Variants in VPS53 observed in about 807,000 individuals in gnomAD.
VPS53 encodes vacuolar protein sorting-associated protein 53 homolog.
A neutral mutation model predicts 107.0 loss-of-function variants in VPS53; 70 were observed. The ratio of observed to expected loss-of-function variants is 0.65; its 90% confidence interval spans 0.54 to 0.80. VPS53 has a LOEUF of 0.80. Among genes scored for constraint, VPS53 ranks in the 30% least tolerant of loss-of-function variants. The probability of loss-of-function intolerance (pLI) is 0.00; values close to 1 mark genes in which losing one functional copy is unlikely to be tolerated. For missense variants in VPS53, 917 were observed against 1,049.4 expected (o/e 0.87, Z 1.74); for synonymous variants, 409 against 393.3 (o/e 1.04, Z -0.47).
At chr17:663,798 C>G (rs1189203669) in intron 4 of VPS53, among the ~76,000 whole-genome samples, 5 of 150,764 alleles carry the variant, frequency 3.3e-5, no homozygotes, top group Admixed American at 2.0e-4. Context: ...AGGCATGATT[C>G]TAGGCATTGG....
At chr17:595,681 C>A (rs1967932915) in intron 12 of VPS53, among the ~76,000 whole-genome samples, 2 of 136,188 alleles carry the variant, frequency 1.5e-5, no homozygotes, top group Non-Finnish European at 3.2e-5. Context: ...ACTCTAGTGC[C>A]CCCCCTGGAG....
At chr17:679,255 C>A (rs1221672212) in intron 4 of VPS53, among the ~76,000 whole-genome samples, 1 of 152,046 alleles carries the variant, frequency 6.6e-6, no homozygotes, top group African/African-American at 2.4e-5. Flanking sequence ...GTGGCTCACA[C>A]CTGTCATCCC....
chr17:668,734 C>T lies in VPS53; in HGVS notation c.286-6839G>A, dbSNP rs142714449. Among the ~76,000 whole-genome samples, 135 of 152,218 alleles carry T rather than the reference C, an allele frequency of 8.9e-4. 1 individual carries two copies. Among genetic ancestry groups the T allele is most frequent in the African/African-American group, 3.0e-3 (124 of 41,532 alleles). On this transcript the variant is annotated intron_variant, in intron 4 of 21. Transcript: ENST00000437048. ...TAGACAAACACCCTAAAACATATGA[C>T]ATGCAGCTAAGAAAGGCAAAAAAGG...
chr17:617,324 C>T (rs1453997697), intron 11 of VPS53, among the ~76,000 whole-genome samples: 1 of 152,246 alleles, frequency 6.6e-6, no homozygotes, highest in East Asian at 1.9e-4. Context: ...CAAGAGGAAT[C>T]AGGGGGCTGC....
chr17:573,733 C>A (rs1023211408), intron 13 of VPS53, among the ~76,000 whole-genome samples: 1 of 152,216 alleles, frequency 6.6e-6, no homozygotes, highest in Non-Finnish European at 1.5e-5. Flanking sequence ...AAGGTCCCAG[C>A]CTAGCAAGCG....
In VPS53 at chr17:624,415, C is replaced by T. The variant is rs151288356; in HGVS notation, c.975-741G>A. Among the ~76,000 whole-genome samples the T allele has an allele frequency of 1.1e-4, 16 of 152,272 alleles. No individual in the cohort carries two copies. In the East Asian group the frequency reaches 2.7e-3, roughly 26 times the overall value. On this transcript the variant is annotated intron_variant, in intron 10 of 21. Transcript: ENST00000437048. ...CAAGCACGCTTAGCTGGTCCCTGCC[C>T]GAGAAGCTCCTGTGCAGCTCTCACT...
intron 13 of VPS53, among the ~76,000 whole-genome samples, chr17:571,085 A>G (rs1379966918): frequency 6.6e-6 from 1 of 152,098 alleles, no homozygotes; most frequent in African/African-American, 2.4e-5. Flanking sequence ...TTGGGAGGCC[A>G]GCAGATCACT....
chr17:698,668 G>A (rs1025399390), intron 3 of VPS53, among the ~76,000 whole-genome samples: 2 of 150,638 alleles, frequency 1.3e-5, no homozygotes, highest in African/African-American at 4.9e-5. Flanking sequence ...GCACCAGTAC[G>A]CTCCAGCCTG....
At chr17:588,299 A>C (rs1318928312) in intron 12 of VPS53, among the ~76,000 whole-genome samples, 1 of 152,012 alleles carries the variant, frequency 6.6e-6, no homozygotes, top group Non-Finnish European at 1.5e-5. Flanking sequence ...GCCTGGCGAC[A>C]GAGTGAGACT....
intron 12 of VPS53, among the ~76,000 whole-genome samples, chr17:593,433 A>C (rs967116258): frequency 3.9e-4 from 60 of 152,330 alleles, no homozygotes; most frequent in Middle Eastern, 3.4e-3. Flanking sequence ...AATATCCAGA[A>C]TCTACAATGA....
chr17:698,847 T>C (rs1191940539), intron 3 of VPS53, among the ~76,000 whole-genome samples: 1 of 152,184 alleles, frequency 6.6e-6, no homozygotes, highest in African/African-American at 2.4e-5. Flanking sequence ...AAGCATTGAG[T>C]TCCTTGCCAC....
rs543361428 is a variant in VPS53, at chr17:519,101, C to A, written c.*27G>T. The stretch of plus-strand genomic sequence containing the variant: ...GGGAACGGGCGCTGAGGGTCTCCAG[C>A]CAGGAGCAAAGGGCCCCTTGCTGCT... On this transcript the variant is annotated 3_prime_UTR_variant, in exon 22 of 22. Transcript: ENST00000437048. This position sits in a 1 kb window ranked among gnomAD's most constrained non-coding sequence, Gnocchi z 5.0. 193 of 1,476,362 alleles carry A rather than the reference C, an allele frequency of 1.3e-4. No individual in the cohort carries two copies. Among genetic ancestry groups the A allele is most frequent in the Non-Finnish European group, 1.3e-4 (140 of 1,108,460 alleles). 91.5% of individuals were successfully genotyped at this position (1,476,362 alleles called of 1,614,324 possible). A position where few individuals can be genotyped will look rare whatever the true frequency, so the allele number is the denominator to read the frequency against.
At chr17:674,731 C>G (rs1972088383) in intron 4 of VPS53, 1 of 152,240 alleles carries the variant, frequency 6.6e-6, no homozygotes, top group African/African-American at 2.4e-5. Flanking sequence ...CAGGTGGCTC[C>G]CAAATCTGCT....
In VPS53 at chr17:517,258, G is replaced by A. The variant is rs193028392; in HGVS notation, c.*1870C>T. On this transcript the variant is annotated 3_prime_UTR_variant, in exon 22 of 22. Coordinates refer to ENST00000437048, the MANE Select transcript of VPS53 (RefSeq NM_001128159.3). ...TCTCGCAACACTTCTTTTCTCCTCC[G>A]CATTCTCAAATTTGAGACGCTTGAT... 4.5e-4 allele frequency: 177 copies of A among 390,480 alleles called. 2 individuals carry two copies. The highest frequency in any genetic ancestry group is 3.5e-3 in the African/African-American group (169 of 48,534). The allele number at this position is 390,480 out of a possible 1,614,324, so 24.2% of individuals were successfully genotyped here.
intron 10 of VPS53, 123 bp downstream of exon 10, chr17:627,051 T>C (rs1969742949): frequency 1.5e-6 from 2 of 1,290,886 alleles, no homozygotes; most frequent in South Asian, 1.6e-5. Context: ...AGGATGATAT[T>C]AGTCATCTGG....
chr17:560,906 G>A (rs868036266), intron 14 of VPS53, among the ~76,000 whole-genome samples: 26 of 152,228 alleles, frequency 1.7e-4, no homozygotes, highest in Admixed American at 9.8e-4. Flanking sequence ...ACCGTGTGGA[G>A]CACGAAAGAT....
rs547429106 is a variant in VPS53, at chr17:545,674, G to A, written c.1866+6198C>T. Among the ~76,000 whole-genome samples, 6 of 152,310 alleles carry A rather than the reference G, an allele frequency of 3.9e-5. No homozygotes were observed. In the East Asian group the frequency reaches 1.2e-3, roughly 29 times the overall value. On this transcript the variant is annotated intron_variant, in intron 17 of 21. Transcript: ENST00000437048. The stretch of plus-strand genomic sequence containing the variant: ...CCCTCTTTACCTTCAAAGTCATTCA[G>A]GGAATACTACAGTTAAGCAAGTACT...
chr17:672,267 A>C (rs1971996304), intron 4 of VPS53, among the ~76,000 whole-genome samples: 1 of 148,598 alleles, frequency 6.7e-6, no homozygotes, highest in Admixed American at 6.8e-5. Flanking sequence ...CTGAGACGCT[A>C]TCCTTCTGGC....
Position 519,889 on chromosome 17 carries a change from G to A in VPS53, c.2265C>T (p.Asp755=), listed in dbSNP as rs1908591539. The A allele has an allele frequency of 1.3e-6, 2 of 1,551,680 alleles. No individual in the cohort carries two copies. The highest frequency in any genetic ancestry group is 1.7e-6 in the Non-Finnish European group (2 of 1,146,972). The change falls in exon 21 of 22, where the codon GAC becomes GAT. Residue 755 remains aspartate, a synonymous_variant. Coordinates refer to ENST00000437048, the MANE Select transcript of VPS53 (RefSeq NM_001128159.3). This position sits in a 1 kb window ranked among gnomAD's most constrained non-coding sequence, Gnocchi z 5.0. ...APHEPLVVFV[D]NYIKLLTDCN... The stretch of plus-strand genomic sequence containing the variant: ...AGTCTGTGAGAAGTTTGATGTAGTT[G>A]TCAACAAACACCACCAACGGTTCAT...
Sources: allele counts gnomAD v4.1 joint callset (sites outside exome capture counted in the v4.1 genomes callset), GRCh38; gene constraint gnomAD v4.1.1; non-coding constraint Gnocchi (gnomAD v3.1); transcripts MANE v1.5; gene names NCBI Gene and HGNC (gene_info 2026-07-23, HGNC 2026-07-21).